DOCK10: variants seen among roughly 807,000 people sequenced by gnomAD.
The protein encoded by DOCK10 is dedicator of cytokinesis 10.
Under a neutral mutation model 280.1 loss-of-function variants are expected in DOCK10, and 145 were observed. The ratio of observed to expected loss-of-function variants is 0.52; its 90% CI spans 0.45 to 0.59. The LOEUF (loss-of-function observed/expected upper bound fraction) is 0.59, where lower values mean the gene tolerates loss of function less well. DOCK10 is among the 20% of genes least tolerant of loss of function. The pLI, the probability that DOCK10 is intolerant of heterozygous loss-of-function variation, is 0.00. For missense variants in DOCK10, 2,368 were observed against 2,651.7 expected (o/e 0.89, Z 2.35); for synonymous variants, 915 against 942.2 (o/e 0.97, Z 0.53).
intron 7 of DOCK10, among the ~76,000 whole-genome samples, chr2:224,883,203 C>T (rs1699073133): frequency 6.6e-6 from 1 of 152,200 alleles, no homozygotes; most frequent in Admixed American, 6.5e-5. Context: ...ATGGTCTCTG[C>T]CATTCATACC....
intron 14 of DOCK10, among the ~76,000 whole-genome samples, chr2:224,858,813 A>G (rs1697318066): frequency 3.9e-5 from 6 of 152,204 alleles, no homozygotes; most frequent in Admixed American, 3.9e-4. Flanking sequence ...TCTTTGGGGT[A>G]TGATTGTAGG....
At chr2:224,887,912 A>T (rs999875505) in intron 4 of DOCK10, among the ~76,000 whole-genome samples, 7 of 152,184 alleles carry the variant, frequency 4.6e-5, no homozygotes, top group African/African-American at 1.7e-4. Flanking sequence ...GCTACTTTGC[A>T]TCAGTTCATT....
chr2:225,014,661 C>T (rs1400527114), intron 1 of DOCK10, among the ~76,000 whole-genome samples: 2 of 151,970 alleles, frequency 1.3e-5, no homozygotes, highest in Admixed American at 1.3e-4. Context: ...TTTAGAAGCT[C>T]AATATTTATT....
At chr2:224,917,812 C>T (rs775669761) in intron 2 of DOCK10, among the ~76,000 whole-genome samples, 7 of 152,164 alleles carry the variant, frequency 4.6e-5, no homozygotes, top group Non-Finnish European at 8.8e-5. Flanking sequence ...ATGAAATGCC[C>T]TAAAACAGCA....
At chr2:224,837,668 A>T (rs1695675950) in intron 25 of DOCK10, 94 bp downstream of exon 25, 2 of 1,038,370 alleles carry the variant, frequency 1.9e-6, no homozygotes, top group African/African-American at 1.6e-5. Context: ...CCACTCAGTT[A>T]AAGGGAGAAA....
At chr2:224,943,877 C>A (rs1366350437) in intron 1 of DOCK10, among the ~76,000 whole-genome samples, 1 of 151,368 alleles carries the variant, frequency 6.6e-6, no homozygotes, top group Non-Finnish European at 1.5e-5. Context: ...GATTCTTCTG[C>A]CTTAGCCTCC....
intron 1 of DOCK10, chr2:224,982,470 G>A (rs772543667): frequency 1.6e-6 from 2 of 1,228,306 alleles, no homozygotes; most frequent in Non-Finnish European, 2.0e-6. Context: ...AGCTGCAGCC[G>A]GCTCACTCTC....
chr2:224,864,775 T>A, intron 12 of DOCK10, 91 bp downstream of exon 12: 2 of 1,585,478 alleles, frequency 1.3e-6, no homozygotes, highest in South Asian at 2.3e-5. Flanking sequence ...AAGGGAATTT[T>A]TATTCAGGAA....
intron 6 of DOCK10, 67 bp downstream of exon 6, chr2:224,885,996 C>T (rs967810392): frequency 4.4e-6 from 7 of 1,602,768 alleles, no homozygotes; most frequent in Admixed American, 1.7e-5. Flanking sequence ...CTCTTCTGTG[C>T]TGTGACCAGA....
chr2:224,978,742 T>C (rs1705582081), intron 1 of DOCK10, among the ~76,000 whole-genome samples: 1 of 152,180 alleles, frequency 6.6e-6, no homozygotes, highest in African/African-American at 2.4e-5. Flanking sequence ...TTACTCCTCT[T>C]TATATAGTTC....
chr2:224,916,002 G>C (rs1373369821), intron 3 of DOCK10, among the ~76,000 whole-genome samples: 2 of 152,200 alleles, frequency 1.3e-5, no homozygotes, highest in East Asian at 3.9e-4. Flanking sequence ...TGAAGGTGTG[G>C]CCTGGTGGGA....
chr2:224,863,098 T>C (rs890351153), intron 13 of DOCK10, among the ~76,000 whole-genome samples: 14 of 152,222 alleles, frequency 9.2e-5, no homozygotes, highest in African/African-American at 3.4e-4. Flanking sequence ...TTATTTGTTA[T>C]GGCAGAGGGC....
At chr2:224,919,832 G>GTTTC (rs1471807994) in intron 2 of DOCK10, among the ~76,000 whole-genome samples, 2 of 152,114 alleles carry the variant, frequency 1.3e-5, no homozygotes, top group African/African-American at 4.8e-5. Flanking sequence ...AGGATCTAGA[G>GTTTC]ACATCAATGA....
chr2:224,956,352 G>T (rs1704032337), intron 1 of DOCK10, among the ~76,000 whole-genome samples: 1 of 152,166 alleles, frequency 6.6e-6, no homozygotes. Context: ...GGCGGGCACG[G>T]TGGCTCATGC....
chr2:224,841,845 T>C lies in DOCK10; in HGVS notation c.2620A>G (p.Met874Val), dbSNP rs1170904098. ...FQECQKREKD[M>V]SQSPTSNFIR... ...AAATTTGAGGTAGGTGACTGAGACA[T>C]ATCTTTCTCTCTTTTTTGGCACTCT... is the stretch of plus-strand genomic sequence containing the variant. Residue 874 changes from methionine to valine, a missense_variant, in exon 23 of 56, where the codon ATG becomes GTG. Physicochemically the swap from Met to Val is conservative, Grantham distance 21. Coordinates refer to ENST00000258390, the MANE Select transcript of DOCK10 (RefSeq NM_014689.3). The C allele has an allele frequency of 6.2e-7, 1 of 1,613,650 alleles. No individual in the cohort carries two copies. The highest frequency in any genetic ancestry group is 8.5e-7 in the Non-Finnish European group (1 of 1,179,618).
chr2:224,787,538 A>C lies in DOCK10; in HGVS notation c.5419-141T>G, dbSNP rs1469197538. The stretch of plus-strand genomic sequence containing the variant: ...AAACCCAGCAGGGGATCGTGGTGTC[A>C]TCTTGGATTCTTGCCTATCCCGCAC... On this transcript the variant is annotated intron_variant, in intron 48 of 55. Coordinates refer to ENST00000258390, the MANE Select transcript of DOCK10 (RefSeq NM_014689.3). The C allele has an allele frequency of 7.6e-6, 8 of 1,055,266 alleles. No individual in the cohort carries two copies. In the East Asian group the frequency reaches 1.9e-4, roughly 25 times the overall value. 65.4% of individuals were successfully genotyped at this position (1,055,266 alleles called of 1,614,324 possible).
intron 16 of DOCK10, among the ~76,000 whole-genome samples, chr2:224,854,540 G>A (rs1481573108): frequency 1.3e-5 from 2 of 152,114 alleles, no homozygotes; most frequent in Non-Finnish European, 2.9e-5. Flanking sequence ...TGAGTGAGAG[G>A]AACTCCCTCA....
intron 1 of DOCK10, among the ~76,000 whole-genome samples, chr2:224,979,623 C>T (rs549121673): frequency 3.9e-5 from 6 of 152,368 alleles, no homozygotes; most frequent in Admixed American, 1.3e-4. Flanking sequence ...TTCGCCTTGG[C>T]GGGTCCTTCT....
At chr2:224,866,730 A>G in intron 11 of DOCK10, among the ~76,000 whole-genome samples, 1 of 152,308 alleles carries the variant, frequency 6.6e-6, no homozygotes, top group South Asian at 2.1e-4. Flanking sequence ...ATTTATTAAT[A>G]CAAGTATAGA....
Sources: gnomAD v4.1 joint callset for allele counts (sites outside exome capture counted in the v4.1 genomes callset) on GRCh38, gnomAD v4.1.1 for gene constraint, MANE v1.5 for transcripts, NCBI Gene and HGNC (gene_info 2026-07-23, HGNC 2026-07-21) for gene names.